Variants in SLC25A26 observed in about 807,000 individuals in gnomAD.
The protein encoded by SLC25A26 is mitochondrial S-adenosylmethionine carrier protein.
A neutral mutation model predicts 37.8 loss-of-function variants in SLC25A26; 36 were observed. The observed-to-expected ratio is 0.95, with a 90% CI of 0.73 to 1.26. The LOEUF (loss-of-function observed/expected upper bound fraction) is 1.26, where lower values mean the gene tolerates loss of function less well. Ranked by LOEUF, SLC25A26 falls within the 50% of genes most tolerant of loss-of-function variation. The pLI is 0.00. For synonymous variants in SLC25A26, 129 were observed against 122.5 expected (o/e 1.05, Z -0.35); for missense variants, 390 against 331.1 (o/e 1.18, Z -1.38).
chr3:66,230,003 G>A lies in SLC25A26; in HGVS notation c.34-6541G>A, dbSNP rs147106849. 4.6e-5 allele frequency among the ~76,000 whole-genome samples: 7 copies of A among 152,346 alleles called. No homozygotes were observed. The East Asian group carries it at 1.4e-3, about 29-fold the overall frequency. On this transcript the variant is annotated intron_variant, in intron 1 of 9. Transcript: ENST00000354883. ...CTGCGAAGAATAGCAGCAGATAGCT[G>A]ACCCTGACTTTTGATTGTCACACAT... is the stretch of plus-strand genomic sequence containing the variant.
At chr3:66,350,959 C>T in intron 6 of SLC25A26, among the ~76,000 whole-genome samples, 1 of 152,078 alleles carries the variant, frequency 6.6e-6, no homozygotes, top group South Asian at 2.1e-4. Context: ...GTCTGTGTCA[C>T]TGACTCGTAT....
intron 1 of SLC25A26, among the ~76,000 whole-genome samples, chr3:66,179,965 T>C (rs1021809561): frequency 6.6e-6 from 1 of 152,196 alleles, no homozygotes; most frequent in Non-Finnish European, 1.5e-5. Context: ...TGAAGTCTGA[T>C]ACTGTTAGAT....
intron 5 of SLC25A26, among the ~76,000 whole-genome samples, chr3:66,342,556 T>G (rs2076232820): frequency 6.6e-6 from 1 of 152,110 alleles, no homozygotes; most frequent in South Asian, 2.1e-4. Context: ...GTTACATTTA[T>G]TTTAAGATTA....
intron 6 of SLC25A26, among the ~76,000 whole-genome samples, chr3:66,355,663 C>G (rs1254861804): frequency 6.6e-6 from 1 of 152,170 alleles, no homozygotes; most frequent in African/African-American, 2.4e-5. Flanking sequence ...GAGTACTTCA[C>G]AGAGAGATGG....
chr3:66,308,143 T>G (rs1454682647), intron 5 of SLC25A26, among the ~76,000 whole-genome samples: 2 of 152,158 alleles, frequency 1.3e-5, no homozygotes, highest in Non-Finnish European at 2.9e-5. Flanking sequence ...GCATGGAGTG[T>G]TTTTCCATTT....
chr3:66,339,323 C>T (rs1342846113), intron 5 of SLC25A26, among the ~76,000 whole-genome samples: 3 of 151,920 alleles, frequency 2.0e-5, no homozygotes, highest in Non-Finnish European at 2.9e-5. Flanking sequence ...AACGCAAGTC[C>T]TTTGTTAAAT....
At chr3:66,163,011 G>C (rs1345926870) in intron 1 of SLC25A26, among the ~76,000 whole-genome samples, 3 of 152,184 alleles carry the variant, frequency 2.0e-5, no homozygotes, top group African/African-American at 7.2e-5. Flanking sequence ...CTCTTTCTAG[G>C]AAATCAGCCT....
At chr3:66,188,251 C>G (rs964717523) in intron 1 of SLC25A26, among the ~76,000 whole-genome samples, 5 of 152,164 alleles carry the variant, frequency 3.3e-5, no homozygotes, top group Non-Finnish European at 7.3e-5. Context: ...CAACCCCAAA[C>G]TTTCTCTGAC....
At chr3:66,209,633 A>G (rs1275267473) in intron 1 of SLC25A26, among the ~76,000 whole-genome samples, 2 of 139,386 alleles carry the variant, frequency 1.4e-5, no homozygotes, top group Non-Finnish European at 3.1e-5. Flanking sequence ...TATCTATTTT[A>G]TATATATATA....
chr3:66,238,424 C>G (rs2072403760), intron 2 of SLC25A26, among the ~76,000 whole-genome samples: 1 of 152,006 alleles, frequency 6.6e-6, no homozygotes, highest in Non-Finnish European at 1.5e-5. Flanking sequence ...GTGTCACCCC[C>G]CAGGCTGGAG....
chr3:66,320,200 A>G (rs116359856), intron 5 of SLC25A26, among the ~76,000 whole-genome samples: 1 of 152,216 alleles, frequency 6.6e-6, no homozygotes, highest in African/African-American at 2.4e-5. Context: ...CATGATCACT[A>G]TTTCTAAAAT....
At chr3:66,276,685 G>A (rs2074160127) in intron 5 of SLC25A26, among the ~76,000 whole-genome samples, 1 of 151,988 alleles carries the variant, frequency 6.6e-6, no homozygotes, top group African/African-American at 2.4e-5. Flanking sequence ...TAGAGTAGGT[G>A]GGAAAAGGTT....
At chr3:66,148,879 C>T (rs2070158289) in intron 1 of SLC25A26, among the ~76,000 whole-genome samples, 1 of 152,146 alleles carries the variant, frequency 6.6e-6, no homozygotes. Flanking sequence ...TACGTGTCTA[C>T]CAGAGACCAC....
intron 1 of SLC25A26, among the ~76,000 whole-genome samples, chr3:66,223,469 T>C (rs370271476): frequency 3.9e-5 from 6 of 152,264 alleles, no homozygotes; most frequent in African/African-American, 1.2e-4. Flanking sequence ...ATGGAAGCCA[T>C]TGAAATGTTT....
At chr3:66,364,018 A>T (rs1037845082) in intron 7 of SLC25A26, among the ~76,000 whole-genome samples, 35 of 151,632 alleles carry the variant, frequency 2.3e-4, no homozygotes, top group Non-Finnish European at 7.4e-5. Context: ...CCTAAGAGAG[A>T]TGTGCATTTT....
At chr3:66,207,206 A>T (rs2071192890) in intron 1 of SLC25A26, among the ~76,000 whole-genome samples, 2 of 152,102 alleles carry the variant, frequency 1.3e-5, no homozygotes, top group Admixed American at 1.3e-4. Context: ...CACCTACGTA[A>T]GTCATGTCTA....
upstream of SLC25A26, among the ~76,000 whole-genome samples, chr3:66,218,088 G>A (rs1177658449): frequency 1.4e-5 from 2 of 143,288 alleles, no homozygotes; most frequent in South Asian, 2.4e-4. Flanking sequence ...TCACGTAAGT[G>A]GAATCACAAT....
At position 66,335,235 on chromosome 3, in the gene SLC25A26, G is replaced by C. The variant is rs534319467; in HGVS notation, c.454-11129G>C. On this transcript the variant is annotated intron_variant, in intron 5 of 9. Coordinates refer to ENST00000354883, the MANE Select transcript of SLC25A26 (RefSeq NM_001379210.1). ...AAATGTATAAAGCAGATTATTTGTA[G>C]ATCTCAACATCTGGATGGTGGTGCT... Among the ~76,000 whole-genome samples, 3 of 152,298 alleles carry C rather than the reference G, an allele frequency of 2.0e-5. No individual in the cohort carries two copies. The South Asian group carries it at 6.2e-4, about 32-fold the overall frequency.
At chr3:66,305,938 G>C (rs531950068) in intron 5 of SLC25A26, among the ~76,000 whole-genome samples, 25 of 152,074 alleles carry the variant, frequency 1.6e-4, no homozygotes, top group African/African-American at 4.8e-4. Flanking sequence ...AAGCATTCCT[G>C]TCTTTCCTCA....
Sources: allele counts gnomAD v4.1 joint callset (sites outside exome capture counted in the v4.1 genomes callset), GRCh38; gene constraint gnomAD v4.1.1; transcripts MANE v1.5; gene names NCBI Gene and HGNC (gene_info 2026-07-23, HGNC 2026-07-21).